The following TMEM63C variants were observed in gnomAD, a reference collection of about 807,000 sequenced individuals.
TMEM63C encodes the protein osmosensitive cation channel TMEM63C.
A neutral mutation model predicts 99.2 loss-of-function variants in TMEM63C; 32 were observed. The observed-to-expected ratio is 0.32, with a 90% confidence interval of 0.24 to 0.43. The LOEUF (loss-of-function observed/expected upper bound fraction) is 0.43, where lower values mean the gene tolerates loss of function less well. Among genes scored for constraint, TMEM63C ranks in the 20% least tolerant of loss-of-function variants. The pLI, the probability that TMEM63C is intolerant of heterozygous loss-of-function variation, is 1.00. For missense variants in TMEM63C, 826 were observed against 1,053.0 expected (o/e 0.78, Z 2.98); for synonymous variants, 376 against 397.9 (o/e 0.94, Z 0.66).
At chr14:77,200,713 C>G (rs562804262) in intron 1 of TMEM63C, among the ~76,000 whole-genome samples, 4 of 152,368 alleles carry the variant, frequency 2.6e-5, no homozygotes, top group African/African-American at 7.2e-5. Context: ...TGCCCCCGCT[C>G]CCCATCTGCC....
chr14:77,242,337 C>T lies in TMEM63C; in HGVS notation c.1065-10C>T, dbSNP rs745426506. 1 of 1,608,574 alleles carries T rather than the reference C, an allele frequency of 6.2e-7. No individual in the cohort carries two copies. Among genetic ancestry groups the T allele is most frequent in the Non-Finnish European group, 8.5e-7 (1 of 1,176,416 alleles). ...GACCCACATTTCTTCCTCTTCTCCC[C>T]TCTCTGCAGTGTCCGTAAGGATTAC... On this transcript the variant is annotated splice_polypyrimidine_tract_variant and intron_variant, in intron 13 of 23. Transcript: ENST00000298351.
intron 5 of TMEM63C, among the ~76,000 whole-genome samples, chr14:77,220,416 C>T (rs975624085): frequency 6.6e-6 from 1 of 152,212 alleles, no homozygotes; most frequent in African/African-American, 2.4e-5. Context: ...ACGTCCCTAC[C>T]TCTGACTCTG....
chr14:77,189,428 T>C (rs943366199), intron 1 of TMEM63C, among the ~76,000 whole-genome samples: 2 of 152,126 alleles, frequency 1.3e-5, no homozygotes, highest in African/African-American at 4.8e-5. Context: ...GAAAATTTAA[T>C]TTTCGCAAAA....
rs2140137196 is a variant in TMEM63C at position 77,258,053 on chromosome 14, G to C, written c.*1327G>C. 1 of 152,478 alleles carries C rather than the reference G, an allele frequency of 6.6e-6. No individual in the cohort carries two copies. Among genetic ancestry groups the C allele is most frequent in the East Asian group, 1.9e-4 (1 of 5,180 alleles). The allele number at this position is 152,478 out of a possible 1,614,324, so 9.4% of individuals were successfully genotyped here. A position where few individuals can be genotyped will look rare whatever the true frequency, so the allele number is the denominator to read the frequency against. The stretch of plus-strand genomic sequence containing the variant: ...ACACTCAGCACCTTTGCCACAGCCG[G>C]GGGGAACCGGCTTCTGCCTCTGGGA... On this transcript the variant is annotated 3_prime_UTR_variant, in exon 24 of 24. Transcript: ENST00000298351.
intron 1 of TMEM63C, among the ~76,000 whole-genome samples, chr14:77,206,509 C>T (rs1026909381): frequency 6.6e-6 from 1 of 152,180 alleles, no homozygotes; most frequent in African/African-American, 2.4e-5. Context: ...TGCCCATGGC[C>T]CAGCCAGGCC....
At chr14:77,184,834 G>T (rs1174190788) in intron 1 of TMEM63C, among the ~76,000 whole-genome samples, 1 of 152,184 alleles carries the variant, frequency 6.6e-6, no homozygotes, top group East Asian at 1.9e-4. Flanking sequence ...AGATGAGAAC[G>T]TGGGCAGCTC....
intron 6 of TMEM63C, among the ~76,000 whole-genome samples, 186 bp from the exon 7 acceptor site, chr14:77,231,402 G>A (rs1226261220): frequency 2.6e-5 from 4 of 151,904 alleles, no homozygotes; most frequent in African/African-American, 9.7e-5. Context: ...ATACTTCAAG[G>A]ATAACCGAGG....
At chr14:77,225,504 G>C (rs537810125) in intron 6 of TMEM63C, 43 bp downstream of exon 6, 42 of 1,607,902 alleles carry the variant, frequency 2.6e-5, no homozygotes, top group African/African-American at 5.3e-5. Context: ...TGTTGCCTTG[G>C]GGGTGGGGGG....
intron 6 of TMEM63C, 53 bp from the exon 7 acceptor site, chr14:77,231,535 G>A (rs775756612): frequency 4.3e-5 from 67 of 1,546,118 alleles, no homozygotes; most frequent in Non-Finnish European, 5.6e-5. Flanking sequence ...CCCGCAACAA[G>A]TGGTGGCCAC....
At chr14:77,195,313 G>C (rs1374747988) in intron 1 of TMEM63C, among the ~76,000 whole-genome samples, 2 of 152,124 alleles carry the variant, frequency 1.3e-5, no homozygotes, top group Non-Finnish European at 2.9e-5. Flanking sequence ...AAGCTGCCGG[G>C]GCTCCCTGGC....
chr14:77,197,234 G>A (rs1160743938), intron 1 of TMEM63C, among the ~76,000 whole-genome samples: 1 of 152,200 alleles, frequency 6.6e-6, no homozygotes, highest in Non-Finnish European at 1.5e-5. Flanking sequence ...CATCGTGATT[G>A]TTGCTGTTAC....
At chr14:77,212,316 G>A (rs934399610) in intron 1 of TMEM63C, 2 of 152,238 alleles carry the variant, frequency 1.3e-5, no homozygotes, top group Non-Finnish European at 2.9e-5. Flanking sequence ...TAGCAAAGGT[G>A]GGTCTGGGAT....
chr14:77,218,212 C>T lies in TMEM63C; in HGVS notation c.-13-589C>T, dbSNP rs1253008314. Among the ~76,000 whole-genome samples the T allele has an allele frequency of 2.9e-5, 4 of 139,864 alleles. No individual in the cohort carries two copies. The East Asian group carries it at 8.8e-4, about 31-fold the overall frequency. 91.8% of individuals were successfully genotyped at this position (139,864 alleles called of 152,430 possible). ...GGTACTCCATAAATATATACACCTA[C>T]TATGTACCCACAGAAGTTAAAAAAA... On this transcript the variant is annotated intron_variant, in intron 2 of 23. Transcript: ENST00000298351.
chr14:77,222,998 G>C (rs1014669576), intron 5 of TMEM63C, among the ~76,000 whole-genome samples: 2 of 152,150 alleles, frequency 1.3e-5, no homozygotes, highest in Non-Finnish European at 2.9e-5. Context: ...ATATTTGTCA[G>C]TTGCGCTAAG....
chr14:77,246,888 T>C lies in TMEM63C; in HGVS notation c.1601+214T>C, dbSNP rs922802522. ...GGACCCCTTCTCAGAATGATATCTT[T>C]GAAATAATTGTATAGTCACAGGAAG... On this transcript the variant is annotated intron_variant, in intron 18 of 23. Coordinates refer to ENST00000298351, the MANE Select transcript of TMEM63C (RefSeq NM_020431.4). 2.0e-5 allele frequency among the ~76,000 whole-genome samples: 3 copies of C among 152,216 alleles called. 1 individual carries two copies. In the South Asian group the frequency reaches 6.2e-4, roughly 32 times the overall value.
intron 12 of TMEM63C, 101 bp from the exon 13 acceptor site, chr14:77,240,374 G>A: frequency 1.4e-6 from 2 of 1,402,630 alleles, no homozygotes; most frequent in East Asian, 2.5e-5. Context: ...GTGCTTCAAG[G>A]CCACCACAAT....
At chr14:77,193,663 C>T (rs556212638) in intron 1 of TMEM63C, among the ~76,000 whole-genome samples, 8 of 152,184 alleles carry the variant, frequency 5.3e-5, no homozygotes, top group Admixed American at 3.3e-4. Flanking sequence ...GGAGAAACCC[C>T]GTCTCTGTTA....
intron 15 of TMEM63C, among the ~76,000 whole-genome samples, chr14:77,243,799 C>T (rs2216088): frequency 9.2e-5 from 14 of 152,118 alleles, no homozygotes; most frequent in South Asian, 6.2e-4. Context: ...TCAACACACA[C>T]GCATGCACAC....
Position 77,223,302 on chromosome 14 carries a change from C to T in TMEM63C, c.313-2122C>T, listed in dbSNP as rs140536136. The stretch of plus-strand genomic sequence containing the variant: ...AGTGAGGGGGACAAACTGAAGAGGG[C>T]GTAAATTAAATTAAATGGAGAACAG... On this transcript the variant is annotated intron_variant, in intron 5 of 23. Transcript: ENST00000298351. Among the ~76,000 whole-genome samples, 392 of 151,972 alleles carry T rather than the reference C, an allele frequency of 2.6e-3. 2 individuals carry two copies. Among genetic ancestry groups the T allele is most frequent in the African/African-American group, 8.9e-3 (369 of 41,434 alleles).
Sources: gnomAD v4.1 joint callset for allele counts (sites outside exome capture counted in the v4.1 genomes callset) on GRCh38, gnomAD v4.1.1 for gene constraint, MANE v1.5 for transcripts, NCBI Gene and HGNC (gene_info 2026-07-23, HGNC 2026-07-21) for gene names.